The following ITPKB variants were observed in gnomAD, a reference collection of about 807,000 sequenced individuals.
The protein encoded by ITPKB is inositol-trisphosphate 3-kinase B.
ITPKB carries 13 observed loss-of-function variants against 69.4 expected under a neutral mutation model. That is an observed-to-expected ratio of 0.19 (90% CI 0.12 to 0.30). The LOEUF (loss-of-function observed/expected upper bound fraction) is 0.30. Ranked by LOEUF, ITPKB falls within the 10% of genes least tolerant of loss-of-function variation. The pLI is 1.00. For missense variants in ITPKB, 1,240 were observed against 1,250.5 expected (o/e 0.99, Z 0.13); for synonymous variants, 584 against 513.7 (o/e 1.14, Z -1.85).
At position 226,639,608 on chromosome 1, in the gene ITPKB, C is replaced by G. The variant is rs757822088; in HGVS notation, c.2502G>C (p.Glu834Asp). The G allele has an allele frequency of 8.1e-6, 13 of 1,613,940 alleles. No individual in the cohort carries two copies. The highest frequency in any genetic ancestry group is 4.4e-5 in the South Asian group (4 of 91,080). Residue 834 changes from glutamate to aspartate, a missense_variant, in exon 6 of 8, where the codon GAG becomes GAC. This residue lies in a region of ITPKB where 248 missense variants were observed against 396.7 expected (regional missense o/e 0.63). Transcript: ENST00000429204. ...ACTCTCTGAAGGCCTCGGTGACCTGCTCCCTCGTTTTGGTCTTCTTGAAGT... is the reference window on the plus strand; with the variant it reads ...ACTCTCTGAAGGCCTCGGTGACCTGGTCCCTCGTTTTGGTCTTCTTGAAGT... ...NRDFKKTKTR[E>D]QVTEAFREFT...
rs35767912 is a variant in ITPKB, at chr1:226,670,175, C to CAAAAAAAA, written c.1933-21412_1933-21405dup. On this transcript the variant is annotated intron_variant, in intron 2 of 7. Coordinates refer to ENST00000429204, the MANE Select transcript of ITPKB (RefSeq NM_002221.4). The stretch of plus-strand genomic sequence containing the variant: ...AGGCGTGAGCCACCAAGCTCCGCCG[C>CAAAAAAAA]AAAAAAAAAAAAAAAAAAAAAAAAA... Among the ~76,000 whole-genome samples, 36 of 32,000 alleles carry CAAAAAAAA rather than the reference C, an allele frequency of 1.1e-3. 1 individual carries two copies. The highest frequency in any genetic ancestry group is 0.01 in the East Asian group (13 of 1,266). The allele number at this position is 32,000 out of a possible 152,430, so 21.0% of individuals were successfully genotyped here. A position where few individuals can be genotyped will look rare whatever the true frequency, so the allele number is the denominator to read the frequency against.
intron 2 of ITPKB, among the ~76,000 whole-genome samples, chr1:226,658,172 A>G (rs1170438982): frequency 6.6e-6 from 1 of 152,222 alleles, no homozygotes; most frequent in East Asian, 1.9e-4. Context: ...TGGTCTTTCT[A>G]AAAAAGCAGT....
chr1:226,738,414 A>C lies in ITPKB; in HGVS notation c.-206+627T>G, dbSNP rs1657879582. Among the ~76,000 whole-genome samples the C allele has an allele frequency of 6.6e-6, 1 of 152,154 alleles. No individual in the cohort carries two copies. Among genetic ancestry groups the C allele is most frequent in the South Asian group, 2.1e-4 (1 of 4,830 alleles). Reference sequence around the variant, plus strand: ...GGTTCTACACGTTCTCTTTACCGGAACCAGTACTTGCTGCCCCCCTGCCGT... The same window carrying C: ...GGTTCTACACGTTCTCTTTACCGGACCCAGTACTTGCTGCCCCCCTGCCGT... On this transcript the variant is annotated intron_variant, in intron 1 of 7. Transcript: ENST00000429204. The surrounding 1 kb of genome is among the most constrained non-coding windows in gnomAD (Gnocchi z 4.2).
chr1:226,707,000 A>G (rs1408962236), intron 2 of ITPKB, among the ~76,000 whole-genome samples: 3 of 152,168 alleles, frequency 2.0e-5, no homozygotes, highest in Non-Finnish European at 4.4e-5. Flanking sequence ...GCACAGTTCA[A>G]TCCTCTAGGG....
At chr1:226,650,543 T>G (rs1031468803) in intron 2 of ITPKB, among the ~76,000 whole-genome samples, 21 of 152,164 alleles carry the variant, frequency 1.4e-4, no homozygotes, top group African/African-American at 4.6e-4. Context: ...AGGGCAACAA[T>G]GGAAAAACCT....
chr1:226,707,546 C>A (rs767727495), intron 2 of ITPKB: 56 of 985,442 alleles, frequency 5.7e-5, no homozygotes, highest in Non-Finnish European at 6.7e-5. Flanking sequence ...AATATTTGTA[C>A]ATTAAGTAAC....
chr1:226,637,985 G>A lies in ITPKB; in HGVS notation c.2554-235C>T, dbSNP rs765854903. ...GAGAGAACCACAAATATCTCTCCCA[G>A]TGCCCTCTCCATGGAGCCCTATAAA... On this transcript the variant is annotated intron_variant, in intron 6 of 7. Coordinates refer to ENST00000429204, the MANE Select transcript of ITPKB (RefSeq NM_002221.4). This position sits in a 1 kb window ranked among gnomAD's most constrained non-coding sequence, Gnocchi z 4.3. Among the ~76,000 whole-genome samples the A allele has an allele frequency of 5.9e-5, 9 of 152,228 alleles. No homozygotes were observed. Among genetic ancestry groups the A allele is most frequent in the Non-Finnish European group, 1.2e-4 (8 of 68,042 alleles).
rs1657899158 is a variant in ITPKB, at chr1:226,738,729, C to A, written c.-206+312G>T. 6.6e-6 allele frequency among the ~76,000 whole-genome samples: 1 copy of A among 152,200 alleles called. No homozygotes were observed. Among genetic ancestry groups the A allele is most frequent in the Non-Finnish European group, 1.5e-5 (1 of 68,018 alleles). On this transcript the variant is annotated intron_variant, in intron 1 of 7. Coordinates refer to ENST00000429204, the MANE Select transcript of ITPKB (RefSeq NM_002221.4). This position sits in a 1 kb window ranked among gnomAD's most constrained non-coding sequence, Gnocchi z 4.2. ...GCGCAGGGCTTCTCCGCATCCCGGG[C>A]AGCCTCGCCCGGCGCCAGCAGAGCC...
At chr1:226,737,937 C>T (rs1044814835) in intron 1 of ITPKB, among the ~76,000 whole-genome samples, 1 of 152,188 alleles carries the variant, frequency 6.6e-6, no homozygotes, top group South Asian at 2.1e-4. Context: ...TCCTAATACT[C>T]GTCTCGCGGA....
At chr1:226,691,917 A>G (rs1656362297) in intron 2 of ITPKB, among the ~76,000 whole-genome samples, 1 of 152,178 alleles carries the variant, frequency 6.6e-6, no homozygotes, top group Non-Finnish European at 1.5e-5. Flanking sequence ...GTGGTCACCC[A>G]GGGCCCACCT....
intron 2 of ITPKB, among the ~76,000 whole-genome samples, chr1:226,669,438 G>A (rs922531092): frequency 6.6e-6 from 1 of 151,846 alleles, no homozygotes; most frequent in African/African-American, 2.4e-5. Context: ...AAATATGCTA[G>A]ATGCACCACT....
chr1:226,653,445 C>T (rs752324622), intron 2 of ITPKB, among the ~76,000 whole-genome samples: 31 of 152,346 alleles, frequency 2.0e-4, no homozygotes, highest in Non-Finnish European at 3.4e-4. Flanking sequence ...CTGGCTGCTC[C>T]GTTAGCAGAG....
intron 2 of ITPKB, among the ~76,000 whole-genome samples, chr1:226,700,839 C>T (rs1656619991): frequency 6.6e-6 from 1 of 152,142 alleles, no homozygotes; most frequent in South Asian, 2.1e-4. Flanking sequence ...AGGAAGAGAA[C>T]ACAAAAAGAG....
At chr1:226,710,319 A>C (rs1483676498) in intron 2 of ITPKB, among the ~76,000 whole-genome samples, 1 of 152,226 alleles carries the variant, frequency 6.6e-6, no homozygotes. Context: ...ATAGCAATGA[A>C]GTAAGCAAGT....
intron 2 of ITPKB, among the ~76,000 whole-genome samples, chr1:226,649,658 GAGCATCTTATTT>G (rs367840462): frequency 4.6e-5 from 7 of 151,604 alleles, no homozygotes; most frequent in African/African-American, 1.7e-4. Context: ...AAGGTATATT[GAGCATCTTATTT>G]TATTTTCTCA....
intron 2 of ITPKB, among the ~76,000 whole-genome samples, chr1:226,679,093 C>G (rs958105645): frequency 6.6e-6 from 1 of 152,232 alleles, no homozygotes; most frequent in African/African-American, 2.4e-5. Context: ...GGGTGCCTCT[C>G]TAAGATAGAG....
At position 226,735,602 on chromosome 1, in the gene ITPKB, G is replaced by A. The variant is rs781540064; in HGVS notation, c.1857C>T (p.Ile619=). 8.7e-6 allele frequency: 14 copies of A among 1,602,524 alleles called. No individual in the cohort carries two copies. The highest frequency in any genetic ancestry group is 9.4e-6 in the Non-Finnish European group (11 of 1,174,318). Residue 619 remains isoleucine (I), a synonymous_variant, in exon 2 of 8, where the codon ATC becomes ATT. Transcript: ENST00000429204. ...SSSYEDSEED[I]SSDPERTLDP... ...CCAGGGTGCGCTCAGGGTCACTGGA[G>A]ATGTCCTCCTCTGAGTCTTCGTAGG...
intron 6 of ITPKB, among the ~76,000 whole-genome samples, chr1:226,638,814 C>T (rs2102738715): frequency 6.6e-6 from 1 of 151,980 alleles, no homozygotes; most frequent in South Asian, 2.1e-4. Flanking sequence ...AGATTTGCTG[C>T]ACGCTTGGCA....
At chr1:226,640,125 C>T (rs1188934014) in intron 5 of ITPKB, among the ~76,000 whole-genome samples, 1 of 152,216 alleles carries the variant, frequency 6.6e-6, no homozygotes, top group African/African-American at 2.4e-5. Flanking sequence ...GCCCTGAGCT[C>T]AGCTTGACTT....
Sources: gnomAD v4.1 joint callset for allele counts (sites outside exome capture counted in the v4.1 genomes callset) on GRCh38, gnomAD v4.1.1 for gene constraint, gnomAD v4.1.1 regional missense constraint, Gnocchi (gnomAD v3.1) non-coding constraint, MANE v1.5 for transcripts, NCBI Gene and HGNC (gene_info 2026-07-23, HGNC 2026-07-21) for gene names.